The following MSI2 variants were observed in gnomAD, a reference collection of about 807,000 sequenced individuals.
MSI2 encodes the protein musashi RNA binding protein 2, also known as RNA-binding protein Musashi homolog 2.
MSI2 carries 17 observed loss-of-function variants against 45.6 expected under a neutral mutation model. The ratio of observed to expected loss-of-function variants is 0.37; its 90% CI spans 0.26 to 0.56. The LOEUF is 0.56. MSI2 is among the 20% of genes least tolerant of loss of function. The pLI, the probability that MSI2 is intolerant of heterozygous loss-of-function variation, is 0.77. For synonymous variants in MSI2, 156 were observed against 158.2 expected (o/e 0.99, Z 0.11); for missense variants, 293 against 444.2 (o/e 0.66, Z 3.06).
intron 7 of MSI2, among the ~76,000 whole-genome samples, chr17:57,543,913 A>G (rs2087107775): frequency 6.6e-6 from 1 of 152,236 alleles, no homozygotes; most frequent in South Asian, 2.1e-4. Flanking sequence ...CAAAGAGGAA[A>G]TCATCTAATT....
At chr17:57,578,922 A>G (rs888879566) in intron 7 of MSI2, among the ~76,000 whole-genome samples, 1 of 152,140 alleles carries the variant, frequency 6.6e-6, no homozygotes, top group African/African-American at 2.4e-5. Context: ...TAAACAGAAA[A>G]TGGCATGGGA....
chr17:57,262,153 T>C lies in MSI2; in HGVS notation c.273T>C (p.Ile91=). Residue 91 remains isoleucine, a splice_region_variant and synonymous_variant, in exon 5 of 14, where the codon ATT becomes ATC. Coordinates refer to ENST00000284073, the MANE Select transcript of MSI2 (RefSeq NM_138962.4). ...QPHHELDSKT[I]DPKVAFPRRA... ...TGCTTTTCTATTTTTTTTCCCAGAT[T>C]GACCCCAAAGTTGCATTTCCTCGTC... is the stretch of plus-strand genomic sequence containing the variant. The C allele has an allele frequency of 6.2e-7, 1 of 1,614,086 alleles. No homozygotes were observed. Among genetic ancestry groups the C allele is most frequent in the South Asian group, 1.1e-5 (1 of 91,060 alleles).
the MSI2 span, among the ~76,000 whole-genome samples, chr17:57,697,276 C>T: frequency 6.6e-6 from 1 of 151,890 alleles, no homozygotes; most frequent in South Asian, 2.1e-4. Context: ...GAGACTCACA[C>T]CCCTCACACA....
chr17:57,433,198 T>C (rs1235868013), intron 6 of MSI2, among the ~76,000 whole-genome samples: 1 of 152,226 alleles, frequency 6.6e-6, no homozygotes, highest in Non-Finnish European at 1.5e-5. Context: ...GCCAAGTTGT[T>C]GGGTGTACTG....
At position 57,335,631 on chromosome 17, in the gene MSI2, GA is replaced by G. The variant is rs1454910656; in HGVS notation, c.313-65746del. Reference sequence around the variant, plus strand: ...TTGTAGGCACTGGGGATGGAGCAGTGAACTTAACAAAATGCTGAGATGTGTG... The same window carrying G: ...TTGTAGGCACTGGGGATGGAGCAGTGACTTAACAAAATGCTGAGATGTGTG... On this transcript the variant is annotated intron_variant, in intron 5 of 13. Transcript: ENST00000284073. Among the ~76,000 whole-genome samples, 3 of 152,214 alleles carry G rather than the reference GA, an allele frequency of 2.0e-5. No individual in the cohort carries two copies. In the East Asian group the frequency reaches 5.8e-4, roughly 29 times the overall value.
At chr17:57,298,570 A>G (rs1911176621) in intron 5 of MSI2, among the ~76,000 whole-genome samples, 1 of 152,128 alleles carries the variant, frequency 6.6e-6, no homozygotes, top group Admixed American at 6.5e-5. Flanking sequence ...CTGAGGCAGG[A>G]GAATTGCCTG....
Position 57,676,053 on chromosome 17 carries a change from G to A in MSI2, c.945+927G>A, listed in dbSNP as rs564354143. On this transcript the variant is annotated intron_variant, in intron 12 of 13. Coordinates refer to ENST00000284073, the MANE Select transcript of MSI2 (RefSeq NM_138962.4). The stretch of plus-strand genomic sequence containing the variant: ...TTTGGTTTTGAGCTAAGATGGGTGC[G>A]TCTGCAGTCCCAGGCCACGTTCCTG... Among the ~76,000 whole-genome samples, 44 of 152,334 alleles carry A rather than the reference G, an allele frequency of 2.9e-4. 1 individual carries two copies. The highest frequency in any genetic ancestry group is 9.9e-4 in the African/African-American group (41 of 41,562).
At chr17:57,258,878 G>A (rs1907060371) in intron 4 of MSI2, among the ~76,000 whole-genome samples, 1 of 152,150 alleles carries the variant, frequency 6.6e-6, no homozygotes, top group Non-Finnish European at 1.5e-5. Flanking sequence ...GAGCTGAGCT[G>A]GGCATCCACT....
At chr17:57,572,412 G>T (rs1277785355) in intron 7 of MSI2, among the ~76,000 whole-genome samples, 2 of 152,208 alleles carry the variant, frequency 1.3e-5, no homozygotes, top group Non-Finnish European at 2.9e-5. Context: ...CCCAAGGCTG[G>T]CGCCCAGTAA....
chr17:57,679,221 G>T (rs954804925), intron 13 of MSI2, among the ~76,000 whole-genome samples: 2 of 152,168 alleles, frequency 1.3e-5, no homozygotes, highest in Non-Finnish European at 2.9e-5. Flanking sequence ...TGGGCAGTTT[G>T]CCCACCTGGC....
chr17:57,619,379 G>A (rs909217870), intron 9 of MSI2, among the ~76,000 whole-genome samples: 14 of 152,224 alleles, frequency 9.2e-5, no homozygotes, highest in Non-Finnish European at 1.6e-4. Context: ...AGCCTGATGC[G>A]TAACATGAAT....
chr17:57,322,606 C>T (rs1341070317), intron 5 of MSI2, among the ~76,000 whole-genome samples: 1 of 152,118 alleles, frequency 6.6e-6, no homozygotes, highest in Non-Finnish European at 1.5e-5. Context: ...CAACAAACCA[C>T]GTACCACTCA....
At chr17:57,698,786 A>C in the MSI2 span, among the ~76,000 whole-genome samples, 1 of 152,112 alleles carries the variant, frequency 6.6e-6, no homozygotes, top group Non-Finnish European at 1.5e-5. Flanking sequence ...AGATACAAGG[A>C]GTAAAGTTCC....
At chr17:57,406,380 T>C (rs1429428099) in intron 6 of MSI2, among the ~76,000 whole-genome samples, 1 of 152,192 alleles carries the variant, frequency 6.6e-6, no homozygotes, top group East Asian at 1.9e-4. Flanking sequence ...AGGCCCCTCC[T>C]TCAAGTACCG....
At position 57,456,400 on chromosome 17, in the gene MSI2, G is replaced by T. The variant is rs533543339; in HGVS notation, c.405+54929G>T. On this transcript the variant is annotated intron_variant, in intron 6 of 13. Coordinates refer to ENST00000284073, the MANE Select transcript of MSI2 (RefSeq NM_138962.4). ...CAAGGCGGGTGGATCACGAGATCAG[G>T]AGTTCAAGACCAGCCTGGCCAAGAT... is the stretch of plus-strand genomic sequence containing the variant. 5.2e-4 allele frequency among the ~76,000 whole-genome samples: 79 copies of T among 152,300 alleles called. 2 individuals carry two copies. The South Asian group carries it at 0.015, about 30-fold the overall frequency.
chr17:57,550,837 A>G (rs1026480823), intron 7 of MSI2, among the ~76,000 whole-genome samples: 2 of 152,162 alleles, frequency 1.3e-5, no homozygotes, highest in African/African-American at 2.4e-5. Context: ...CCCTCTGTCT[A>G]GGGCCTGATT....
intron 5 of MSI2, among the ~76,000 whole-genome samples, chr17:57,302,285 T>C (rs943249234): frequency 1.3e-5 from 2 of 152,154 alleles, no homozygotes; most frequent in Non-Finnish European, 2.9e-5. Context: ...CCTTTATTTA[T>C]TTGTTTTTGA....
chr17:57,322,354 A>C (rs1427964553), intron 5 of MSI2, among the ~76,000 whole-genome samples: 2 of 152,330 alleles, frequency 1.3e-5, no homozygotes, highest in Non-Finnish European at 2.9e-5. Context: ...GAGTCTGATT[A>C]GGAGAACTTG....
chr17:57,506,410 A>G (rs544124338), intron 6 of MSI2, among the ~76,000 whole-genome samples: 3 of 152,228 alleles, frequency 2.0e-5, no homozygotes, highest in Non-Finnish European at 4.4e-5. Flanking sequence ...TTGTATGCAC[A>G]GAGATGTGAT....
Sources: gnomAD v4.1 joint callset for allele counts (sites outside exome capture counted in the v4.1 genomes callset) on GRCh38, gnomAD v4.1.1 for gene constraint, MANE v1.5 for transcripts, NCBI Gene and HGNC (gene_info 2026-07-23, HGNC 2026-07-21) for gene names.